The following LRRC36 variants were observed in gnomAD, a reference collection of about 807,000 sequenced individuals.
The protein encoded by LRRC36 is leucine-rich repeat-containing protein 36.
In LRRC36, 62 loss-of-function variants were observed where a neutral mutation model predicts 81.1. The ratio of observed to expected loss-of-function variants is 0.76; its 90% confidence interval spans 0.62 to 0.94. The LOEUF (loss-of-function observed/expected upper bound fraction) is 0.94. Among genes scored for constraint, LRRC36 ranks in the 40% least tolerant of loss-of-function variants. The pLI, the probability that LRRC36 is intolerant of heterozygous loss-of-function variation, is 0.00. For synonymous variants in LRRC36, 334 were observed against 348.6 expected (o/e 0.96, Z 0.47); for missense variants, 761 against 881.7 (o/e 0.86, Z 1.73).
At chr16:67,346,648 A>T (rs1464251148) in intron 3 of LRRC36, among the ~76,000 whole-genome samples, 200 bp downstream of exon 3, 2 of 152,160 alleles carry the variant, frequency 1.3e-5, no homozygotes, top group Non-Finnish European at 2.9e-5. Context: ...TGATTTTATT[A>T]GTTACTTCCA....
At chr16:67,380,032 A>G (rs577364680) in intron 12 of LRRC36, among the ~76,000 whole-genome samples, 41 of 152,316 alleles carry the variant, frequency 2.7e-4, no homozygotes, top group Middle Eastern at 3.4e-3. Flanking sequence ...ATTTCTAAAC[A>G]TTCAAAAGAA....
intron 13 of LRRC36, 99 bp from the exon 14 acceptor site, chr16:67,384,771 G>T: frequency 1.3e-6 from 1 of 778,306 alleles, no homozygotes; most frequent in South Asian, 1.7e-5. Flanking sequence ...TTAAAGATGT[G>T]ACTTCATTTC....
chr16:67,371,601 GT>G (rs1813124591), intron 9 of LRRC36: 1 of 317,992 alleles, frequency 3.1e-6, no homozygotes, highest in African/African-American at 2.2e-5. Context: ...GCTGGGCACA[GT>G]GGCGCATGCC....
chr16:67,370,017 C>T (rs2039567634), intron 8 of LRRC36, among the ~76,000 whole-genome samples: 1 of 151,886 alleles, frequency 6.6e-6, no homozygotes, highest in Non-Finnish European at 1.5e-5. Context: ...TAGAAGTGAT[C>T]TAGTAGAGGG....
At position 67,375,238 on chromosome 16, in the gene LRRC36, T is replaced by C. The variant is rs78643135; in HGVS notation, c.1495-9T>C. 1.6e-5 allele frequency: 26 copies of C among 1,608,910 alleles called. No individual in the cohort carries two copies. Among genetic ancestry groups the C allele is most frequent in the African/African-American group, 2.7e-5 (2 of 74,528 alleles). On this transcript the variant is annotated splice_polypyrimidine_tract_variant and intron_variant, in intron 9 of 13. Transcript: ENST00000329956. ...GTTTGTTTGTTTTTGCTTTTTTTTT[T>C]CTCTTGAGCCTCTCTCTAGTGACCT...
chr16:67,362,195 C>T, intron 5 of LRRC36: 2 of 453,464 alleles, frequency 4.4e-6, no homozygotes, highest in East Asian at 7.0e-5. Flanking sequence ...AAGAGTCTTG[C>T]TCTGTCGCCC....
At chr16:67,337,274 A>G (rs917323115) in intron 1 of LRRC36, among the ~76,000 whole-genome samples, 34 of 151,470 alleles carry the variant, frequency 2.2e-4, no homozygotes, top group Non-Finnish European at 2.7e-4. Flanking sequence ...GAGTTATTCT[A>G]TTGTTCTTTT....
At chr16:67,368,885 G>A (rs1224545908) in intron 8 of LRRC36, among the ~76,000 whole-genome samples, 3 of 152,158 alleles carry the variant, frequency 2.0e-5, no homozygotes, top group African/African-American at 4.8e-5. Context: ...TAAAGTGTGG[G>A]AGAAAGAGGG....
intron 6 of LRRC36, chr16:67,365,047 T>C: frequency 2.4e-6 from 1 of 415,034 alleles, no homozygotes; most frequent in South Asian, 5.1e-5. Context: ...CTATGAGCTA[T>C]CTAAGGCAGA....
chr16:67,327,271 G>C (rs1792421174), intron 1 of LRRC36, among the ~76,000 whole-genome samples: 1 of 152,112 alleles, frequency 6.6e-6, no homozygotes, highest in Admixed American at 6.6e-5. Flanking sequence ...CCAGCACTTT[G>C]GGAGGCGGAG....
chr16:67,384,824 TCTTG>T (rs1258497595), intron 13 of LRRC36, 42 bp from the exon 14 acceptor site: 2 of 1,512,754 alleles, frequency 1.3e-6, no homozygotes, highest in Admixed American at 3.4e-5. Flanking sequence ...ATGGTATCTC[TCTTG>T]CTTTTATGAT....
rs2039455898 is a variant in LRRC36 at position 67,367,512 on chromosome 16, T to C, written c.1195+55T>C. ...TCTTCATAGGCATGAAGATAGAAGA[T>C]ATAAGTGAAAATTTTGGAATTAACC... On this transcript the variant is annotated intron_variant, in intron 8 of 13. Coordinates refer to ENST00000329956, the MANE Select transcript of LRRC36 (RefSeq NM_018296.6). 2.7e-6 allele frequency: 4 copies of C among 1,487,592 alleles called. No homozygotes were observed. In the South Asian group the frequency reaches 5.2e-5, roughly 20 times the overall value. 92.1% of individuals were successfully genotyped at this position (1,487,592 alleles called of 1,614,324 possible).
intron 5 of LRRC36, among the ~76,000 whole-genome samples, chr16:67,353,634 T>G (rs1052969855): frequency 2.0e-5 from 3 of 152,160 alleles, no homozygotes; most frequent in Non-Finnish European, 4.4e-5. Flanking sequence ...TGACCCACGT[T>G]CCTCGGCCTC....
chr16:67,382,192 C>T lies in LRRC36; in HGVS notation c.1990C>T (p.Leu664Phe). ...GCAGGTGGCTTGCCTGAACCAGGAG[C>T]TTGCCCAGCTGAAAAAGCTGGAGAA... is the stretch of plus-strand genomic sequence containing the variant. ...TMQVACLNQELAQLKKLEKTV... is the reference protein window; with the variant it reads ...TMQVACLNQEFAQLKKLEKTV... The change falls in exon 13 of 14, where the codon CTT becomes TTT. Residue 664 changes from leucine to phenylalanine, a missense_variant. Physicochemically the swap from Leu to Phe is conservative, Grantham distance 22. This residue lies in a region of LRRC36 where 359 missense variants were observed against 388.4 expected (regional missense o/e 0.92). Transcript: ENST00000329956. 6.2e-7 allele frequency: 1 copy of T among 1,614,206 alleles called. No individual in the cohort carries two copies. The highest frequency in any genetic ancestry group is 8.5e-7 in the Non-Finnish European group (1 of 1,180,030).
chr16:67,356,639 T>A (rs78540639), intron 5 of LRRC36, among the ~76,000 whole-genome samples: 4,079 of 152,256 alleles, frequency 0.027, 94 homozygotes, highest in South Asian at 0.063. Context: ...TGGAAAGATT[T>A]ATTGCAGCTA....
chr16:67,334,296 G>T (rs1169316361), intron 1 of LRRC36, among the ~76,000 whole-genome samples: 1 of 151,734 alleles, frequency 6.6e-6, no homozygotes. Flanking sequence ...TGGGATTACA[G>T]GCGTGAGCCA....
chr16:67,382,752 G>A (rs1379147374), intron 13 of LRRC36, among the ~76,000 whole-genome samples: 1 of 152,146 alleles, frequency 6.6e-6, no homozygotes, highest in Non-Finnish European at 1.5e-5. Context: ...GGGAGGCCGA[G>A]GCAGGTGGAT....
chr16:67,347,304 C>A, intron 3 of LRRC36, 191 bp from the exon 4 acceptor site: 3 of 1,077,176 alleles, frequency 2.8e-6, no homozygotes, highest in Non-Finnish European at 2.6e-6. Context: ...GTCGCTATGG[C>A]TTCCTGCAGT....
At chr16:67,372,734 ATTGGGGTGGG>A (rs917880346) in intron 9 of LRRC36, among the ~76,000 whole-genome samples, 89 of 152,240 alleles carry the variant, frequency 5.8e-4, no homozygotes, top group African/African-American at 2.1e-3. Context: ...AATCTTACAC[ATTGGGGTGGG>A]TTTACAGGGT....
Sources: allele counts gnomAD v4.1 joint callset (sites outside exome capture counted in the v4.1 genomes callset), GRCh38; gene constraint gnomAD v4.1.1; regional missense constraint gnomAD v4.1.1; transcripts MANE v1.5; gene names NCBI Gene and HGNC (gene_info 2026-07-23, HGNC 2026-07-21).